Variants in KCNK10 observed in about 807,000 individuals in gnomAD.
The protein encoded by KCNK10 is potassium two pore domain channel subfamily K member 10.
In KCNK10, 25 loss-of-function variants were observed where a neutral mutation model predicts 47.7. The ratio of observed to expected loss-of-function variants is 0.52; its 90% CI spans 0.38 to 0.73. The LOEUF is 0.73. KCNK10 is among the 30% of genes least tolerant of loss of function. The pLI, the probability that KCNK10 is intolerant of heterozygous loss-of-function variation, is 0.00. For missense variants in KCNK10, 563 were observed against 714.5 expected, an observed-to-expected ratio of 0.79 and a Z score of 2.42; for synonymous variants, 303 against 285.6, an observed-to-expected ratio of 1.06 and a Z score of -0.61.
Position 88,243,037 on chromosome 14 carries a change from G to T in KCNK10, c.403-2217C>A, listed in dbSNP as rs1051817117. Reference sequence around the variant, plus strand: ...GCACTGCAAACAAAAACACAGATTTGCACAAAAGACAATGGGGACGATGAT... The same window carrying T: ...GCACTGCAAACAAAAACACAGATTTTCACAAAAGACAATGGGGACGATGAT... On this transcript the variant is annotated intron_variant, in intron 2 of 6. Coordinates refer to ENST00000319231, the MANE Select transcript of KCNK10 (RefSeq NM_138317.3). Among the ~76,000 whole-genome samples the T allele has an allele frequency of 2.6e-5, 4 of 152,166 alleles. No homozygotes were observed. The East Asian group carries it at 7.7e-4, about 29-fold the overall frequency.
At chr14:88,229,262 C>G (rs558572256) in intron 3 of KCNK10, among the ~76,000 whole-genome samples, 26 of 152,204 alleles carry the variant, frequency 1.7e-4, no homozygotes, top group African/African-American at 6.3e-4. Flanking sequence ...TCAGAGATGA[C>G]CACCCCCACC....
chr14:88,286,102 G>A (rs1887754119), intron 1 of KCNK10, among the ~76,000 whole-genome samples: 1 of 152,090 alleles, frequency 6.6e-6, no homozygotes, highest in Admixed American at 6.6e-5. Flanking sequence ...CAACAGCCAC[G>A]CTGAGATCTC....
At chr14:88,192,147 A>G in intron 5 of KCNK10, 77 bp downstream of exon 5, 2 of 1,367,102 alleles carry the variant, frequency 1.5e-6, no homozygotes, top group Non-Finnish European at 1.0e-6. Flanking sequence ...AACATCTTTT[A>G]TCGATTGCGA....
chr14:88,305,553 C>G (rs1888187601), intron 1 of KCNK10, among the ~76,000 whole-genome samples: 1 of 152,094 alleles, frequency 6.6e-6, no homozygotes, highest in South Asian at 2.1e-4. Context: ...CTCCTGAGAG[C>G]CATTAGCCTG....
chr14:88,311,233 C>T (rs1222640506), intron 1 of KCNK10, among the ~76,000 whole-genome samples: 4 of 152,222 alleles, frequency 2.6e-5, no homozygotes, highest in Non-Finnish European at 5.9e-5. Flanking sequence ...CAAACATTCG[C>T]TGAACCCATC....
At position 88,274,054 on chromosome 14, in the gene KCNK10, A is replaced by G. The variant is rs577763018; in HGVS notation, c.53-10503T>C. Reference sequence around the variant, plus strand: ...CCGGAGGGGTCTCCCCCCACCCCCCACCCTGCCCTAGGCTCCACTCAGCAG... The same window carrying G: ...CCGGAGGGGTCTCCCCCCACCCCCCGCCCTGCCCTAGGCTCCACTCAGCAG... On this transcript the variant is annotated intron_variant, in intron 1 of 6. Transcript: ENST00000319231. Among the ~76,000 whole-genome samples, 192 of 74,240 alleles carry G rather than the reference A, an allele frequency of 2.6e-3. 1 individual carries two copies. Among genetic ancestry groups the G allele is most frequent in the African/African-American group, 0.01 (188 of 18,646 alleles). The allele number at this position is 74,240 out of a possible 152,430, so 48.7% of individuals were successfully genotyped here.
intron 1 of KCNK10, among the ~76,000 whole-genome samples, chr14:88,307,560 T>C (rs999505840): frequency 6.6e-6 from 1 of 152,240 alleles, no homozygotes; most frequent in Non-Finnish European, 1.5e-5. Flanking sequence ...TCTGTGAATA[T>C]ACTAAAAACC....
intron 2 of KCNK10, among the ~76,000 whole-genome samples, chr14:88,242,767 G>A: frequency 6.6e-6 from 1 of 152,164 alleles, no homozygotes; most frequent in East Asian, 1.9e-4. Flanking sequence ...TGTGCCGTAT[G>A]AGTACCATCA....
At chr14:88,196,369 A>G (rs1884914211) in intron 4 of KCNK10, among the ~76,000 whole-genome samples, 1 of 152,190 alleles carries the variant, frequency 6.6e-6, no homozygotes, top group Non-Finnish European at 1.5e-5. Context: ...GGAAGTGTTT[A>G]CTTGTTTCAG....
chr14:88,188,189 G>A, intron 5 of KCNK10, 80 bp from the exon 6 acceptor site: 1 of 1,475,856 alleles, frequency 6.8e-7, no homozygotes, highest in Non-Finnish European at 9.4e-7. Flanking sequence ...TCCATGTAGT[G>A]AAGACGTCAT....
At chr14:88,221,063 A>G (rs1397701194) in intron 4 of KCNK10, among the ~76,000 whole-genome samples, 1 of 152,044 alleles carries the variant, frequency 6.6e-6, no homozygotes, top group Non-Finnish European at 1.5e-5. Flanking sequence ...GCACTCTGGG[A>G]GACCGAGGCA....
At chr14:88,234,965 G>T in intron 3 of KCNK10, 1 of 357,112 alleles carries the variant, frequency 2.8e-6, no homozygotes, top group South Asian at 2.2e-5. Context: ...GAAAGTATCC[G>T]AAAATATCCA....
At chr14:88,292,442 C>T (rs1366750129) in intron 1 of KCNK10, among the ~76,000 whole-genome samples, 5 of 152,074 alleles carry the variant, frequency 3.3e-5, no homozygotes, top group Admixed American at 6.5e-5. Flanking sequence ...CTCTGCCTCC[C>T]GGGTTCAAGC....
At chr14:88,309,326 G>T (rs553096615) in intron 1 of KCNK10, among the ~76,000 whole-genome samples, 3 of 152,306 alleles carry the variant, frequency 2.0e-5, no homozygotes, top group African/African-American at 7.2e-5. Context: ...AGCAGGCAGG[G>T]CACGGTGGCT....
In KCNK10 at chr14:88,263,412, G is replaced by A. The variant is rs1235533235; in HGVS notation, c.192C>T (p.Ser64=). 1.9e-6 allele frequency: 3 copies of A among 1,614,016 alleles called. No individual in the cohort carries two copies. The highest frequency in any genetic ancestry group is 1.3e-5 in the African/African-American group (1 of 74,944). Residue 64 remains serine, a synonymous_variant, in exon 2 of 7, where the codon TCC becomes TCT. Coordinates refer to ENST00000319231, the MANE Select transcript of KCNK10 (RefSeq NM_138317.3). ...TCATGACGGTCTGCAAGCCCCCTTGGGAGGTGCCTTCCATCCTGGCTACCA... is the reference window on the plus strand; with the variant it reads ...TCATGACGGTCTGCAAGCCCCCTTGAGAGGTGCCTTCCATCCTGGCTACCA... ...ATVVARMEGT[S]QGGLQTVMKW...
chr14:88,192,552 C>G (rs1566679566), intron 4 of KCNK10, 142 bp from the exon 5 acceptor site: 1 of 680,302 alleles, frequency 1.5e-6, no homozygotes, highest in Non-Finnish European at 2.4e-6. Flanking sequence ...TTGATGAACG[C>G]TGTGAACTCT....
intron 2 of KCNK10, among the ~76,000 whole-genome samples, chr14:88,256,589 G>A (rs924064955): frequency 9.9e-5 from 15 of 152,222 alleles, no homozygotes; most frequent in East Asian, 9.7e-4. Context: ...CAAAGACAGA[G>A]CATCATGGTG....
At chr14:88,307,520 A>T (rs1888228803) in intron 1 of KCNK10, among the ~76,000 whole-genome samples, 2 of 152,242 alleles carry the variant, frequency 1.3e-5, no homozygotes, top group African/African-American at 4.8e-5. Context: ...AAAATTTTCT[A>T]CAATTAGATA....
intron 1 of KCNK10, among the ~76,000 whole-genome samples, chr14:88,295,720 G>T (rs1595126775): frequency 6.6e-6 from 1 of 151,724 alleles, no homozygotes; most frequent in Admixed American, 6.6e-5. Flanking sequence ...ATCTACATGG[G>T]GTCAAAATCT....
Sources: allele counts gnomAD v4.1 joint callset (sites outside exome capture counted in the v4.1 genomes callset), GRCh38; gene constraint gnomAD v4.1.1; transcripts MANE v1.5; gene names NCBI Gene and HGNC (gene_info 2026-07-23, HGNC 2026-07-21).